Variants in IGFN1 observed in about 807,000 individuals in gnomAD.
IGFN1 encodes the protein immunoglobulin like and fibronectin type III domain containing 1.
IGFN1 carries 253 observed loss-of-function variants against 289.5 expected under a neutral mutation model. That is an observed-to-expected ratio of 0.87 (90% CI 0.79 to 0.97). The LOEUF (loss-of-function observed/expected upper bound fraction) is 0.97, where lower values mean the gene tolerates loss of function less well. IGFN1 is among the 50% of genes least tolerant of loss of function. The pLI is 0.00. For synonymous variants in IGFN1, 1,706 were observed against 1,788.5 expected, an observed-to-expected ratio of 0.95 and a Z score of 1.16; for missense variants, 4,470 against 4,686.1, an observed-to-expected ratio of 0.95 and a Z score of 1.35.
Position 201,226,115 on chromosome 1 carries a change from G to GGCAGC in IGFN1, c.10781_10785dup (p.Asp3596SerfsTer7), listed in dbSNP as rs1654079577. On this transcript the variant is annotated frameshift_variant, in exon 22 of 24. Transcript: ENST00000335211. LOFTEE classifies it high-confidence loss of function. ...ACCAGCCAGCCCTGGTGCATCCCCC[G>GGCAGC]GCAGCGCGGTAAGCAGCCCCTGAGA... 1.3e-6 allele frequency: 2 copies of GGCAGC among 1,592,528 alleles called. No homozygotes were observed. The highest frequency in any genetic ancestry group is 1.7e-6 in the Non-Finnish European group (2 of 1,167,630).
Position 201,207,269 on chromosome 1 carries a change from G to A in IGFN1, c.2376G>A (p.Arg792=). 6.5e-7 allele frequency: 1 copy of A among 1,536,818 alleles called. No individual in the cohort carries two copies. Among genetic ancestry groups the A allele is most frequent in the Non-Finnish European group, 8.7e-7 (1 of 1,146,892 alleles). ...GCGAAGGTGTCCTACAGGAGCTCAGGGGAAGGGATGGCCAGGAAACAGCTT... is the reference window on the plus strand; with the variant it reads ...GCGAAGGTGTCCTACAGGAGCTCAGAGGAAGGGATGGCCAGGAAACAGCTT... ...RGCEGVLQEL[R]GRDGQETAWA... is the part of the protein sequence containing the mutation. Residue 792 remains arginine (R), a synonymous_variant, in exon 12 of 24, where the codon AGG becomes AGA. Transcript: ENST00000335211.
At chr1:201,223,545 A>G (rs1385543075) in intron 20 of IGFN1, among the ~76,000 whole-genome samples, 1 of 151,914 alleles carries the variant, frequency 6.6e-6, no homozygotes, top group South Asian at 2.1e-4. Flanking sequence ...TAATTTTTGT[A>G]TTTTTAGTAG....
In IGFN1 at chr1:201,209,075, T is replaced by C; in HGVS notation, c.4182T>C (p.Ala1394=). 1 of 1,533,276 alleles carries C rather than the reference T, an allele frequency of 6.5e-7. No individual in the cohort carries two copies. The highest frequency in any genetic ancestry group is 8.7e-7 in the Non-Finnish European group (1 of 1,145,690). The allele number at this position is 1,533,276 out of a possible 1,614,324, so 95.0% of individuals were successfully genotyped here. The change falls in exon 12 of 24, where the codon GCT becomes GCC. Residue 1394 remains alanine, a synonymous_variant. Coordinates refer to ENST00000335211, the MANE Select transcript of IGFN1 (RefSeq NM_001164586.2). ...AGGGAATGGGTGCAGGTTACAGGGCTGGTTTAAGGGGTCCTGGGGAGATGG... is the reference window on the plus strand; with the variant it reads ...AGGGAATGGGTGCAGGTTACAGGGCCGGTTTAAGGGGTCCTGGGGAGATGG... ...VPEGMGAGYR[A]GLRGPGEMGS...
chr1:201,201,692 C>G (rs918846315), intron 8 of IGFN1, 27 bp from the exon 9 acceptor site: 1 of 1,225,634 alleles, frequency 8.2e-7, no homozygotes, highest in Non-Finnish European at 1.2e-6. Flanking sequence ...CATGAGCTCT[C>G]CTGCTGGGTG....
rs551806127 is a variant in IGFN1, at chr1:201,199,351, C to T, written c.385C>T (p.Arg129Trp). 303 of 1,552,040 alleles carry T rather than the reference C, an allele frequency of 2.0e-4. 1 individual carries two copies. Among genetic ancestry groups the T allele is most frequent in the South Asian group, 3.9e-4 (33 of 84,046 alleles). ...TGTTGCAGTTGGCTTTCGGAAGAATCGGAAGAGGCACAGGGAACCGCAGGA... is the reference window on the plus strand; with the variant it reads ...TGTTGCAGTTGGCTTTCGGAAGAATTGGAAGAGGCACAGGGAACCGCAGGA... ...TVIEVGFRKN[R>W]KRHREPQEDL... Residue 129 changes from arginine (R) to tryptophan (W), a missense_variant, in exon 6 of 24, where the codon CGG becomes TGG. Coordinates refer to ENST00000335211, the MANE Select transcript of IGFN1 (RefSeq NM_001164586.2).
Position 201,209,563 on chromosome 1 carries a change from A to G in IGFN1, c.4670A>G (p.Glu1557Gly), listed in dbSNP as rs374145141. 2 of 1,526,144 alleles carry G rather than the reference A, an allele frequency of 1.3e-6. No individual in the cohort carries two copies. The highest frequency in any genetic ancestry group is 2.8e-5 in the African/African-American group (2 of 72,558). The allele number at this position is 1,526,144 out of a possible 1,614,324, so 94.5% of individuals were successfully genotyped here. ...GFTDGLGGSEEMGSVNKAGYR... is the reference protein window; with the variant it reads ...GFTDGLGGSEGMGSVNKAGYR... ...ACGGATGGTTTAGGAGGTTCTGAAG[A>G]AATGGGGTCAGTGAATAAGGCAGGT... is the stretch of plus-strand genomic sequence containing the variant. Residue 1557 changes from glutamate to glycine, a missense_variant, in exon 12 of 24, where the codon GAA becomes GGA. Coordinates refer to ENST00000335211, the MANE Select transcript of IGFN1 (RefSeq NM_001164586.2).
At chr1:201,216,381 TG>T (rs986987283) in intron 15 of IGFN1, 72 bp from the exon 16 acceptor site, 214 of 1,209,486 alleles carry the variant, frequency 1.8e-4, no homozygotes, top group Non-Finnish European at 2.1e-4. Context: ...GGCGGGGAGT[TG>T]GGGGGGTTGG....
intron 23 of IGFN1, among the ~76,000 whole-genome samples, chr1:201,228,020 C>T (rs1571505185): frequency 6.6e-6 from 1 of 152,268 alleles, no homozygotes; most frequent in African/African-American, 2.4e-5. Context: ...TTTTGAATAG[C>T]AATAAAAGGC....
rs200857066 is a variant in IGFN1, at chr1:201,215,164, A to AGCCCT, written c.8995+27_8995+31dup. The AGCCCT allele has an allele frequency of 9.9e-3, 15,886 of 1,609,162 alleles. 440 individuals are homozygous for AGCCCT. In the African/African-American group the frequency reaches 0.1, roughly 11 times the overall value. ...ACCCTGACCGTCCAGGGTAAGGCCC[A>AGCCCT]GCCCTGCCCTGCCCTGCCCTGTCCT... On this transcript the variant is annotated intron_variant, in intron 14 of 23. Coordinates refer to ENST00000335211, the MANE Select transcript of IGFN1 (RefSeq NM_001164586.2).
chr1:201,206,809 A>C lies in IGFN1; in HGVS notation c.1916A>C (p.Asp639Ala), dbSNP rs746018955. ...CAGGATGACAGCCTGGCTGAGATGG[A>C]CAGAGGGGATGCTCCAAGTAGGGAA... ...ISQDDSLAEM[D>A]RGDAPSRERG... The change falls in exon 12 of 24, where the codon GAC becomes GCC. Residue 639 changes from aspartate (D) to alanine (A), a missense_variant. Physicochemically the swap from Asp to Ala is moderately radical, Grantham distance 126. Coordinates refer to ENST00000335211, the MANE Select transcript of IGFN1 (RefSeq NM_001164586.2). 3 of 1,536,828 alleles carry C rather than the reference A, an allele frequency of 2.0e-6. No homozygotes were observed. Among genetic ancestry groups the C allele is most frequent in the South Asian group, 2.4e-5 (2 of 84,048 alleles).
Position 201,205,070 on chromosome 1 carries a change from T to C in IGFN1, c.917-12T>C. ...CATCAAGCTGATATCCCCATTCCTATTTCCCCGGCAGCCATCCCCCCAAGA... is the reference window on the plus strand; with the variant it reads ...CATCAAGCTGATATCCCCATTCCTACTTCCCCGGCAGCCATCCCCCCAAGA... On this transcript the variant is annotated splice_polypyrimidine_tract_variant and intron_variant, in intron 10 of 23. Transcript: ENST00000335211. 1 of 1,533,008 alleles carries C rather than the reference T, an allele frequency of 6.5e-7. No homozygotes were observed. Among genetic ancestry groups the C allele is most frequent in the Non-Finnish European group, 8.8e-7 (1 of 1,134,582 alleles). 95.0% of individuals were successfully genotyped at this position (1,533,008 alleles called of 1,614,324 possible).
intron 5 of IGFN1, among the ~76,000 whole-genome samples, chr1:201,197,718 A>C (rs916948695): frequency 5.3e-5 from 8 of 152,034 alleles, no homozygotes; most frequent in African/African-American, 1.9e-4. Context: ...CAAAGGCCAA[A>C]TTCTCTCTCA....
chr1:201,227,936 A>T (rs1159429855), intron 23 of IGFN1, among the ~76,000 whole-genome samples: 1 of 152,230 alleles, frequency 6.6e-6, no homozygotes, highest in African/African-American at 2.4e-5. Context: ...TCTCATTGGT[A>T]GTCTCCTTTT....
Position 201,226,028 on chromosome 1 carries a change from G to T in IGFN1, c.10691G>T (p.Gly3564Val). ...NRFTLLGILP[G>V]HEYHFRVVAK... The stretch of plus-strand genomic sequence containing the variant: ...TTCACCCTCCTGGGCATCCTCCCCG[G>T]CCACGAATACCACTTCAGGGTGGTG... Residue 3564 changes from glycine (G) to valine (V), a missense_variant, in exon 22 of 24, where the codon GGC (glycine) becomes GTC (valine). Around this residue, in one of 8 missense-constraint regions of IGFN1, gnomAD observed 2,218 missense variants for 2,114.1 expected, o/e 1.05. Transcript: ENST00000335211. 6.3e-7 allele frequency: 1 copy of T among 1,585,326 alleles called. No individual in the cohort carries two copies. The highest frequency in any genetic ancestry group is 8.6e-7 in the Non-Finnish European group (1 of 1,163,094).
At position 201,216,631 on chromosome 1, in the gene IGFN1, G is replaced by A; in HGVS notation, c.9473G>A (p.Ser3158Asn). The change falls in exon 16 of 24, where the codon AGC (serine) becomes AAC (asparagine). Residue 3158 changes from serine (S) to asparagine (N), a missense_variant. Physicochemically the swap from Ser to Asn is conservative, Grantham distance 46. Transcript: ENST00000335211. ...WLKVGEAPADSTTFTDAHVEP... is the reference protein window; with the variant it reads ...WLKVGEAPADNTTFTDAHVEP... ...AAGGTGGGCGAGGCCCCCGCTGACA[G>A]CACCACCTTCACGGATGCCCATGTG... 2.5e-6 allele frequency: 4 copies of A among 1,613,978 alleles called. No individual in the cohort carries two copies. Among genetic ancestry groups the A allele is most frequent in the Non-Finnish European group, 3.4e-6 (4 of 1,179,932 alleles).
At chr1:201,204,143 A>T (rs1558138366) in intron 10 of IGFN1, among the ~76,000 whole-genome samples, 1 of 152,222 alleles carries the variant, frequency 6.6e-6, no homozygotes, top group Non-Finnish European at 1.5e-5. Flanking sequence ...TGTCACAGAC[A>T]TAGAACATAT....
Position 201,212,260 on chromosome 1 carries a change from CTCTT to C in IGFN1, c.7370_7373del (p.Leu2457GlnfsTer54). 1 of 1,535,730 alleles carries C rather than the reference CTCTT, an allele frequency of 6.5e-7. No homozygotes were observed. The highest frequency in any genetic ancestry group is 8.7e-7 in the Non-Finnish European group (1 of 1,146,438). On this transcript the variant is annotated frameshift_variant, in exon 12 of 24. Coordinates refer to ENST00000335211, the MANE Select transcript of IGFN1 (RefSeq NM_001164586.2). LOFTEE classifies it high-confidence loss of function. ...CTGGGGTCTCAGGGAGGGCGACAGA[CTCTT>C]TCAGATGAGCGAGGCTCCACCAAAG... is the stretch of plus-strand genomic sequence containing the variant.
Position 201,212,835 on chromosome 1 carries a change from T to C in IGFN1, c.7942T>C (p.Ser2648Pro), listed in dbSNP as rs1376954896. 6.4e-7 allele frequency: 1 copy of C among 1,551,282 alleles called. No individual in the cohort carries two copies. The highest frequency in any genetic ancestry group is 1.2e-5 in the South Asian group (1 of 84,048). The change falls in exon 12 of 24, where the codon TCC becomes CCC. Residue 2648 changes from serine (S) to proline (P), a missense_variant. Ser to Pro is a moderately conservative substitution (Grantham distance 74). Around this residue, in one of 8 missense-constraint regions of IGFN1, gnomAD observed 2,218 missense variants for 2,114.1 expected, o/e 1.05. Coordinates refer to ENST00000335211, the MANE Select transcript of IGFN1 (RefSeq NM_001164586.2). Reference protein sequence around the residue: ...SIDAGKQPAGSRASGSLQEKD... With the variant: ...SIDAGKQPAGPRASGSLQEKD... The stretch of plus-strand genomic sequence containing the variant: ...AGATGCTGGGAAGCAGCCCGCAGGC[T>C]CCAGAGCTTCCGGTTCTCTGCAGGA...
intron 15 of IGFN1, 150 bp from the exon 16 acceptor site, chr1:201,216,304 C>G (rs899717960): frequency 1.6e-6 from 1 of 642,052 alleles, no homozygotes; most frequent in African/African-American, 1.9e-5. Flanking sequence ...CCAAGGCTCT[C>G]TGGACAGTCT....
Sources: allele counts gnomAD v4.1 joint callset (sites outside exome capture counted in the v4.1 genomes callset), GRCh38; gene constraint gnomAD v4.1.1; regional missense constraint gnomAD v4.1.1; transcripts MANE v1.5; gene names NCBI Gene and HGNC (gene_info 2026-07-23, HGNC 2026-07-21).